AFG2A: variants seen among roughly 807,000 people sequenced by gnomAD.
The protein encoded by AFG2A is AAA ATPase AFG2A.
the AFG2A span, among the ~76,000 whole-genome samples, chr4:122,956,882 C>A: frequency 2.6e-5 from 4 of 152,082 alleles, no homozygotes; most frequent in East Asian, 7.7e-4. Context: ...AAACAGTATG[C>A]TGGAATTTTT....
At chr4:123,200,957 C>T in the AFG2A span, among the ~76,000 whole-genome samples, 1 of 152,072 alleles carries the variant, frequency 6.6e-6, no homozygotes, top group Non-Finnish European at 1.5e-5. Context: ...GTTTAGAGAG[C>T]CAGGTTCCCT....
chr4:122,924,773 G>A, the AFG2A span, among the ~76,000 whole-genome samples: 1 of 151,970 alleles, frequency 6.6e-6, no homozygotes, highest in Non-Finnish European at 1.5e-5. Flanking sequence ...TGCTTCTCAA[G>A]CTCTCTGTGG....
At chr4:123,250,783 T>C in the AFG2A span, among the ~76,000 whole-genome samples, 1 of 152,314 alleles carries the variant, frequency 6.6e-6, no homozygotes, top group Admixed American at 6.5e-5. Flanking sequence ...GTTCAGAATA[T>C]TAGAAAGCCT....
chr4:123,159,358 G>C, the AFG2A span, among the ~76,000 whole-genome samples: 1 of 152,102 alleles, frequency 6.6e-6, no homozygotes, highest in Non-Finnish European at 1.5e-5. Context: ...TTAGTTGGGG[G>C]AGTATTTAGG....
chr4:122,979,185 T>A, the AFG2A span: 2 of 1,590,342 alleles, frequency 1.3e-6, no homozygotes. Context: ...TCAGTCTGTA[T>A]TTATGAAGGA....
the AFG2A span, among the ~76,000 whole-genome samples, chr4:122,966,375 T>G: frequency 5.3e-3 from 800 of 152,328 alleles, 7 homozygotes; most frequent in African/African-American, 0.018. Context: ...TAGAGTTGGA[T>G]GTAGGTTTAT....
the AFG2A span, chr4:122,923,407 G>A: frequency 6.7e-7 from 1 of 1,484,538 alleles, no homozygotes; most frequent in Non-Finnish European, 9.2e-7. Context: ...TTGAAAGTTG[G>A]GCGTGGCATG....
At chr4:123,297,157 T>C in the AFG2A span, among the ~76,000 whole-genome samples, 1 of 152,224 alleles carries the variant, frequency 6.6e-6, no homozygotes, top group African/African-American at 2.4e-5. Flanking sequence ...TGCTTTCTCT[T>C]CTGATTTTCA....
chr4:123,066,881 A>G, the AFG2A span, among the ~76,000 whole-genome samples: 1 of 152,148 alleles, frequency 6.6e-6, no homozygotes, highest in Admixed American at 6.5e-5. Context: ...TTCTCTTATA[A>G]TAGTTTTATG....
At chr4:122,974,697 A>T in the AFG2A span, among the ~76,000 whole-genome samples, 1 of 151,996 alleles carries the variant, frequency 6.6e-6, no homozygotes, top group South Asian at 2.1e-4. Context: ...CTGGAGTGCA[A>T]TGGTGCGATC....
At chr4:123,002,444 G>A in the AFG2A span, among the ~76,000 whole-genome samples, 7,138 of 151,930 alleles carry the variant, frequency 0.047, 226 homozygotes, top group Middle Eastern at 0.11. Flanking sequence ...GGCTGGTACC[G>A]GTTGTGCCTT....
At chr4:123,002,483 C>G in the AFG2A span, among the ~76,000 whole-genome samples, 91 of 152,222 alleles carry the variant, frequency 6.0e-4, 1 homozygote, top group Middle Eastern at 3.4e-3. Flanking sequence ...TTCAGGAGCT[C>G]TTTTAGGGCA....
chr4:123,095,537 A>G, the AFG2A span, among the ~76,000 whole-genome samples: 4 of 152,144 alleles, frequency 2.6e-5, no homozygotes, highest in South Asian at 2.1e-4. Context: ...AAACTGTGCC[A>G]TGAATGTGCT....
chr4:123,042,027 C>T, the AFG2A span, among the ~76,000 whole-genome samples: 1 of 152,120 alleles, frequency 6.6e-6, no homozygotes, highest in South Asian at 2.1e-4. Context: ...AGATGTTCTT[C>T]CTATCCCTTT....
the AFG2A span, among the ~76,000 whole-genome samples, chr4:123,089,757 T>A: frequency 2.4e-4 from 37 of 152,242 alleles, no homozygotes; most frequent in Middle Eastern, 3.4e-3. Context: ...ACTAATTTTT[T>A]TATTTTTTTT....
the AFG2A span, among the ~76,000 whole-genome samples, chr4:123,084,122 C>G: frequency 1.3e-5 from 2 of 151,918 alleles, no homozygotes; most frequent in African/African-American, 4.8e-5. Context: ...TAAAATTATC[C>G]TTTTAATATA....
chr4:122,964,969 ATTT>A, the AFG2A span, among the ~76,000 whole-genome samples: 1 of 152,170 alleles, frequency 6.6e-6, no homozygotes, highest in African/African-American at 2.4e-5. Flanking sequence ...AATAAAACAA[ATTT>A]TTTAGAGTTC....
the AFG2A span, among the ~76,000 whole-genome samples, chr4:123,206,764 C>T: frequency 3.9e-5 from 6 of 152,048 alleles, no homozygotes; most frequent in East Asian, 9.7e-4. Context: ...TTTATAAATT[C>T]TTTTTTTTCT....
At chr4:123,236,966 C>T in the AFG2A span, among the ~76,000 whole-genome samples, 5 of 152,164 alleles carry the variant, frequency 3.3e-5, no homozygotes, top group African/African-American at 1.2e-4. Context: ...TGGACCTAGA[C>T]TGATTGATTG....
Sources: allele counts gnomAD v4.1 joint callset (sites outside exome capture counted in the v4.1 genomes callset), GRCh38; gene constraint gnomAD v4.1.1; transcripts MANE v1.5; gene names NCBI Gene and HGNC (gene_info 2026-07-23, HGNC 2026-07-21).